NAV2: variants seen among roughly 807,000 people sequenced by gnomAD.
NAV2 encodes neuron navigator 2, also known as helicase, APC down-regulated 1.
In NAV2, 54 loss-of-function variants were observed where a neutral mutation model predicts 223.2. That is an observed-to-expected ratio of 0.24 (90% CI 0.19 to 0.30). The LOEUF (loss-of-function observed/expected upper bound fraction) is 0.30, where lower values mean the gene tolerates loss of function less well. Among genes scored for constraint, NAV2 ranks in the 10% least tolerant of loss-of-function variants. NAV2 has a pLI of 1.00. For missense variants in NAV2, 2,806 were observed against 3,147.5 expected (o/e 0.89, Z 2.60); for synonymous variants, 1,279 against 1,239.3 (o/e 1.03, Z -0.67).
rs530665569 is a variant in NAV2, at chr11:19,699,890, T to C, written c.76-132594T>C. Among the ~76,000 whole-genome samples, 10 of 152,274 alleles carry C rather than the reference T, an allele frequency of 6.6e-5. No individual in the cohort carries two copies. In the South Asian group the frequency reaches 2.1e-3, roughly 32 times the overall value. Reference sequence around the variant, plus strand: ...TAGCTTCCTTTTCCTGCCTGGTCCATTGTGGATGCCCCAGCTCTGCACATA... The same window carrying C: ...TAGCTTCCTTTTCCTGCCTGGTCCACTGTGGATGCCCCAGCTCTGCACATA... On this transcript the variant is annotated intron_variant, in intron 1 of 37. Transcript: ENST00000360655.
In NAV2 at chr11:19,451,396, G is replaced by A. The variant is rs897036683; in HGVS notation, c.75+100369G>A. Among the ~76,000 whole-genome samples, 10 of 152,182 alleles carry A rather than the reference G, an allele frequency of 6.6e-5. 1 individual carries two copies. The highest frequency in any genetic ancestry group is 6.2e-4 in the South Asian group (3 of 4,818). ...TCTCACCCTAATAGATTCATTGTCC[G>A]TCTATACCTCTCCCCAAATGGTACA... On this transcript the variant is annotated intron_variant, in intron 1 of 37. Coordinates refer to the NAV2 transcript ENST00000360655.
exon 1 of NAV2, chr11:19,350,984 A>G: frequency 1.3e-6 from 2 of 1,551,776 alleles, no homozygotes; most frequent in South Asian, 2.4e-5. Flanking sequence ...AGCCAACAGC[A>G]GAAGAGAAAG....
intron 1 of NAV2, among the ~76,000 whole-genome samples, chr11:19,808,989 A>T (rs2058720286): frequency 6.6e-6 from 1 of 152,252 alleles, no homozygotes; most frequent in African/African-American, 2.4e-5. Flanking sequence ...TTATCTAAAA[A>T]CAAATGGGAG....
At chr11:19,675,293 T>C (rs2048684541) in intron 1 of NAV2, among the ~76,000 whole-genome samples, 1 of 152,204 alleles carries the variant, frequency 6.6e-6, no homozygotes, top group African/African-American at 2.4e-5. Flanking sequence ...TATTCCTTTT[T>C]CCCAGTCTGC....
chr11:19,993,575 C>T (rs2051555726), intron 11 of NAV2, among the ~76,000 whole-genome samples: 1 of 151,932 alleles, frequency 6.6e-6, no homozygotes, highest in Non-Finnish European at 1.5e-5. Context: ...TTGATGTTTC[C>T]CCCCTCCCCC....
chr11:20,044,177 G>T lies in NAV2; in HGVS notation c.3104G>T (p.Gly1035Val), dbSNP rs771443047. The T allele has an allele frequency of 1.4e-5, 23 of 1,614,202 alleles. No homozygotes were observed. The highest frequency in any genetic ancestry group is 1.9e-5 in the Non-Finnish European group (22 of 1,180,036). The part of the protein sequence containing the change: ...GKKNPVISQT[G>V]SWRRGMTAQV... ...AAGAATCCTGTCATCTCCCAGACAG[G>T]CTCATGGCGGCGAGGCATGACAGCT... The change falls in exon 13 of 38, where the codon GGC becomes GTC. Residue 1035 changes from glycine to valine, a missense_variant. Gly to Val is a moderately radical substitution (Grantham distance 109). This residue lies in a region of NAV2 where 742 missense variants were observed against 777.9 expected (regional missense o/e 0.95). Transcript: ENST00000349880.
intron 11 of NAV2, among the ~76,000 whole-genome samples, chr11:20,007,860 C>T (rs1051444878): frequency 1.3e-5 from 2 of 152,274 alleles, no homozygotes; most frequent in East Asian, 1.9e-4. Flanking sequence ...CTGCTATCCC[C>T]GCACACACTT....
rs568568027 is a variant in NAV2, at chr11:20,073,634, G to A, written c.4984-3918G>A. ...CAGAACTTCTTATTGGTCTTCTCAG[G>A]GATTTGACTTCTTCCTGGTTTAGTC... is the stretch of plus-strand genomic sequence containing the variant. On this transcript the variant is annotated intron_variant, in intron 22 of 37. Transcript: ENST00000349880. Among the ~76,000 whole-genome samples the A allele has an allele frequency of 2.2e-3, 335 of 152,158 alleles. 1 individual carries two copies. The highest frequency in any genetic ancestry group is 7.7e-3 in the African/African-American group (319 of 41,526).
rs1375302664 is a variant in NAV2, at chr11:19,858,969, A to G, written c.439-9956A>G. The stretch of plus-strand genomic sequence containing the variant: ...GTATGTGAAGTTCCAGATCATTGAC[A>G]TATATCCACCCACCCAATCCTCTCA... On this transcript the variant is annotated intron_variant, in intron 3 of 37. Coordinates refer to ENST00000349880, the MANE Select transcript of NAV2 (RefSeq NM_145117.5). 3.9e-5 allele frequency among the ~76,000 whole-genome samples: 6 copies of G among 152,236 alleles called. No homozygotes were observed. In the East Asian group the frequency reaches 5.8e-4, roughly 15 times the overall value.
intron 1 of NAV2, among the ~76,000 whole-genome samples, chr11:19,524,995 G>C (rs1384285693): frequency 6.6e-6 from 1 of 152,104 alleles, no homozygotes; most frequent in Non-Finnish European, 1.5e-5. Flanking sequence ...TGTTAATCCC[G>C]GGTTTGAAAT....
chr11:20,018,310 G>A (rs541990159), intron 11 of NAV2, among the ~76,000 whole-genome samples: 1 of 125,068 alleles, frequency 8.0e-6, no homozygotes, highest in Admixed American at 1.1e-4. Context: ...GCTGAGATCG[G>A]CCCACTGCAC....
intron 10 of NAV2, among the ~76,000 whole-genome samples, chr11:19,957,403 C>T (rs533445526): frequency 5.9e-5 from 9 of 152,310 alleles, no homozygotes; most frequent in Admixed American, 5.2e-4. Context: ...AGTGAGCAAG[C>T]GCAGAGTCAT....
At chr11:19,684,675 C>T (rs1011899302) in intron 1 of NAV2, among the ~76,000 whole-genome samples, 3 of 152,150 alleles carry the variant, frequency 2.0e-5, no homozygotes, top group Admixed American at 1.3e-4. Flanking sequence ...CACTGCAAGC[C>T]CAGTGCCAAC....
intron 11 of NAV2, among the ~76,000 whole-genome samples, chr11:20,031,115 A>G (rs2055686586): frequency 6.6e-6 from 1 of 152,234 alleles, no homozygotes; most frequent in Non-Finnish European, 1.5e-5. Flanking sequence ...GGAATGGTCC[A>G]ATCCTCTTCC....
At chr11:20,073,372 T>C (rs2059525176) in intron 22 of NAV2, among the ~76,000 whole-genome samples, 1 of 152,260 alleles carries the variant, frequency 6.6e-6, no homozygotes, top group South Asian at 2.1e-4. Context: ...TTGATGTTCA[T>C]CAAGGATATT....
intron 1 of NAV2, among the ~76,000 whole-genome samples, chr11:19,719,036 T>G (rs907490618): frequency 6.6e-6 from 1 of 152,186 alleles, no homozygotes; most frequent in African/African-American, 2.4e-5. Flanking sequence ...GCACCAAATC[T>G]GGGTCCCATA....
chr11:19,550,904 G>T (rs958965445), intron 1 of NAV2, among the ~76,000 whole-genome samples: 2 of 152,134 alleles, frequency 1.3e-5, no homozygotes, highest in African/African-American at 4.8e-5. Context: ...CAACCCAAAA[G>T]TTACCACCCC....
At chr11:19,783,870 T>C (rs1194931791) in intron 1 of NAV2, among the ~76,000 whole-genome samples, 1 of 152,224 alleles carries the variant, frequency 6.6e-6, no homozygotes, top group East Asian at 1.9e-4. Flanking sequence ...ATGATCATGA[T>C]GTTACCTTAA....
At chr11:19,866,481 TATTC>T (rs1407499325) in intron 3 of NAV2, among the ~76,000 whole-genome samples, 5 of 152,346 alleles carry the variant, frequency 3.3e-5, no homozygotes, top group Admixed American at 1.3e-4. Flanking sequence ...TATTTATAAT[TATTC>T]ATTCTTTTAA....
Sources: gnomAD v4.1 joint callset for allele counts (sites outside exome capture counted in the v4.1 genomes callset) on GRCh38, gnomAD v4.1.1 for gene constraint, gnomAD v4.1.1 regional missense constraint, MANE v1.5 for transcripts, NCBI Gene and HGNC (gene_info 2026-07-23, HGNC 2026-07-21) for gene names.